Variants in AUTS2 observed in about 807,000 individuals in gnomAD.
The protein encoded by AUTS2 is activator of transcription and developmental regulator AUTS2.
In AUTS2, 17 loss-of-function variants were observed where a neutral mutation model predicts 112.4. That is an observed-to-expected ratio of 0.15 (90% CI 0.10 to 0.23). The LOEUF (loss-of-function observed/expected upper bound fraction) is 0.23, where lower values mean the gene tolerates loss of function less well. AUTS2 is among the 10% of genes least tolerant of loss of function. The pLI is 1.00. For missense variants in AUTS2, 1,510 were observed against 1,701.6 expected (o/e 0.89, Z 1.98); for synonymous variants, 751 against 702.7 (o/e 1.07, Z -1.09).
intron 2 of AUTS2, among the ~76,000 whole-genome samples, chr7:69,924,560 T>C (rs60580738): frequency 7.3e-5 from 11 of 151,648 alleles, no homozygotes; most frequent in Non-Finnish European, 1.5e-4. Context: ...TTTTTTTTTT[T>C]CTTTTTTTGA....
intron 2 of AUTS2, among the ~76,000 whole-genome samples, chr7:69,944,213 T>A (rs1416138716): frequency 6.6e-6 from 1 of 152,170 alleles, no homozygotes; most frequent in East Asian, 1.9e-4. Context: ...ACTTCAGCTC[T>A]CTAAGAATAA....
intron 5 of AUTS2, among the ~76,000 whole-genome samples, chr7:70,468,798 G>C (rs1797265381): frequency 6.6e-6 from 1 of 151,540 alleles, no homozygotes; most frequent in Admixed American, 6.6e-5. Context: ...TTTTTAACAA[G>C]CTTACTAGGC....
At chr7:69,875,695 G>A (rs1793699348) in intron 1 of AUTS2, among the ~76,000 whole-genome samples, 1 of 152,132 alleles carries the variant, frequency 6.6e-6, no homozygotes, top group African/African-American at 2.4e-5. Flanking sequence ...CAAAAGTGGT[G>A]TCCCAATTGA....
intron 5 of AUTS2, among the ~76,000 whole-genome samples, chr7:70,568,233 G>A (rs1801786854): frequency 2.0e-5 from 3 of 152,174 alleles, no homozygotes; most frequent in Non-Finnish European, 4.4e-5. Flanking sequence ...GTGAGTTCAT[G>A]TGTTAGCTGT....
intron 2 of AUTS2, among the ~76,000 whole-genome samples, chr7:70,013,105 A>C (rs1358531715): frequency 1.8e-4 from 27 of 152,332 alleles, no homozygotes; most frequent in Non-Finnish European, 1.5e-5. Flanking sequence ...GCAAGGGGTG[A>C]AAATGTGGGG....
At chr7:70,149,114 A>G (rs985542754) in intron 4 of AUTS2, among the ~76,000 whole-genome samples, 1 of 151,226 alleles carries the variant, frequency 6.6e-6, no homozygotes, top group Non-Finnish European at 1.5e-5. Flanking sequence ...TAGTATTTCT[A>G]AGATGTTATT....
intron 1 of AUTS2, among the ~76,000 whole-genome samples, chr7:69,683,261 C>T (rs1050163530): frequency 6.6e-6 from 1 of 152,160 alleles, no homozygotes; most frequent in African/African-American, 2.4e-5. Context: ...GTCCTGCCCA[C>T]ATAGTCTCTA....
intron 2 of AUTS2, among the ~76,000 whole-genome samples, chr7:69,921,849 T>C (rs897497302): frequency 2.0e-5 from 3 of 151,300 alleles, no homozygotes; most frequent in African/African-American, 7.3e-5. Flanking sequence ...GCAGATCACC[T>C]GAGGGCAGGA....
At position 70,790,562 on chromosome 7, in the gene AUTS2, T is replaced by C. The variant is rs754417763; in HGVS notation, c.3346T>C (p.Phe1116Leu). Residue 1116 changes from phenylalanine (F) to leucine (L), a missense_variant, in exon 19 of 19, where the codon TTC (phenylalanine) becomes CTC (leucine). Physicochemically the swap from Phe to Leu is conservative, Grantham distance 22. Transcript: ENST00000342771. The surrounding 1 kb of genome is among the most constrained non-coding windows in gnomAD (Gnocchi z 7.6). ...CCGGCTGTACGAAGCCGACCGCTCC[T>C]TCAGGGACCGGGAGCCTCACGACTA... ...TPRLYEADRSFRDREPHDYSH... is the reference protein window; with the variant it reads ...TPRLYEADRSLRDREPHDYSH... 1.0e-5 allele frequency: 16 copies of C among 1,603,774 alleles called. No individual in the cohort carries two copies. The highest frequency in any genetic ancestry group is 1.2e-5 in the Non-Finnish European group (14 of 1,175,944).
At chr7:69,813,926 A>AG (rs1252630154) in intron 1 of AUTS2, among the ~76,000 whole-genome samples, 1 of 152,160 alleles carries the variant, frequency 6.6e-6, no homozygotes, top group Non-Finnish European at 1.5e-5. Context: ...TCAGCAGCTG[A>AG]GGTAGGGGTG....
intron 5 of AUTS2, among the ~76,000 whole-genome samples, chr7:70,465,550 C>T (rs1797137884): frequency 6.6e-6 from 1 of 152,114 alleles, no homozygotes; most frequent in Admixed American, 6.5e-5. Flanking sequence ...TGGAAATTTG[C>T]AGGTAATTGC....
chr7:70,248,189 A>G (rs1279981704), intron 4 of AUTS2, among the ~76,000 whole-genome samples: 4 of 152,174 alleles, frequency 2.6e-5, no homozygotes, highest in African/African-American at 9.7e-5. Flanking sequence ...TTCTCAAATC[A>G]TCATTTTGAG....
At chr7:69,854,776 G>A (rs1347895872) in intron 1 of AUTS2, among the ~76,000 whole-genome samples, 1 of 152,036 alleles carries the variant, frequency 6.6e-6, no homozygotes, top group East Asian at 1.9e-4. Flanking sequence ...GAGATGCTGG[G>A]GATATTCAGT....
intron 2 of AUTS2, among the ~76,000 whole-genome samples, chr7:70,071,925 A>C (rs1452282541): frequency 9.9e-5 from 15 of 152,088 alleles, no homozygotes; most frequent in Admixed American, 9.8e-4. Context: ...ATCGCTTGTC[A>C]CTCAAGGCAT....
At chr7:69,682,650 TTA>T (rs937287789) in intron 1 of AUTS2, among the ~76,000 whole-genome samples, 6 of 152,218 alleles carry the variant, frequency 3.9e-5, no homozygotes, top group Admixed American at 2.0e-4. Context: ...AGTAGATATT[TTA>T]TATGTCTGCC....
intron 5 of AUTS2, among the ~76,000 whole-genome samples, chr7:70,527,022 GA>G (rs1230345159): frequency 1.3e-5 from 2 of 152,210 alleles, no homozygotes; most frequent in Admixed American, 1.3e-4. Context: ...TATTTTCACA[GA>G]GTCTGTTTCA....
chr7:70,750,347 A>T (rs1472896099), intron 6 of AUTS2, among the ~76,000 whole-genome samples: 1 of 149,060 alleles, frequency 6.7e-6, no homozygotes, highest in Non-Finnish European at 1.5e-5. Flanking sequence ...TTTTTTAAAC[A>T]GGGTCTCACT....
intron 4 of AUTS2, among the ~76,000 whole-genome samples, chr7:70,412,594 A>T (rs1166504420): frequency 6.6e-6 from 1 of 152,256 alleles, no homozygotes; most frequent in Admixed American, 6.5e-5. Flanking sequence ...GTTTTAGATA[A>T]GTGGGTGTTT....
chr7:69,704,773 G>A (rs918964581), intron 1 of AUTS2, among the ~76,000 whole-genome samples: 1 of 152,208 alleles, frequency 6.6e-6, no homozygotes, highest in African/African-American at 2.4e-5. Context: ...CCAAGGTCAT[G>A]TACCTTGTGT....
Sources: allele counts gnomAD v4.1 joint callset (sites outside exome capture counted in the v4.1 genomes callset), GRCh38; gene constraint gnomAD v4.1.1; non-coding constraint Gnocchi (gnomAD v3.1); transcripts MANE v1.5; gene names NCBI Gene and HGNC (gene_info 2026-07-23, HGNC 2026-07-21).